The following SPPL2A variants were observed in gnomAD, a reference collection of about 807,000 sequenced individuals.
SPPL2A encodes the protein signal peptide peptidase-like 2A.
In SPPL2A, 51 loss-of-function variants were observed where a neutral mutation model predicts 63.8. The ratio of observed to expected loss-of-function variants is 0.80; its 90% confidence interval spans 0.64 to 1.01. The LOEUF is 1.01. SPPL2A is among the 50% of genes least tolerant of loss of function. SPPL2A has a pLI of 0.00. For missense variants in SPPL2A, 553 were observed against 622.7 expected (o/e 0.89, Z 1.19); for synonymous variants, 188 against 205.8 (o/e 0.91, Z 0.74).
chr15:50,750,981 A>G (rs954240812), intron 1 of SPPL2A, among the ~76,000 whole-genome samples: 2 of 152,208 alleles, frequency 1.3e-5, no homozygotes, highest in Non-Finnish European at 2.9e-5. Context: ...GTTTCATACA[A>G]GTCAACGTAA....
Position 50,765,679 on chromosome 15 carries a change from C to T in SPPL2A, c.-146G>A, listed in dbSNP as rs908121975. On this transcript the variant is annotated 5_prime_UTR_variant, in exon 1 of 15. Transcript: ENST00000261854. ...CCGGGCTACGACTGGACCGCCGCTGCTACAGCGGCCGCCACAGCAGCGCGA... is the reference window on the plus strand; with the variant it reads ...CCGGGCTACGACTGGACCGCCGCTGTTACAGCGGCCGCCACAGCAGCGCGA... The T allele has an allele frequency of 4.6e-6, 2 of 431,090 alleles. No homozygotes were observed. Among genetic ancestry groups the T allele is most frequent in the African/African-American group, 4.1e-5 (2 of 48,700 alleles). 26.7% of individuals were successfully genotyped at this position (431,090 alleles called of 1,614,324 possible).
At chr15:50,723,971 T>C (rs956149016) in intron 12 of SPPL2A, among the ~76,000 whole-genome samples, 1 of 152,246 alleles carries the variant, frequency 6.6e-6, no homozygotes, top group African/African-American at 2.4e-5. Context: ...GTAGTATTTA[T>C]ATGCTATTTT....
At chr15:50,732,755 C>A (rs2062740588) in intron 8 of SPPL2A, 71 bp from the exon 9 acceptor site, 1 of 874,566 alleles carries the variant, frequency 1.1e-6, no homozygotes, top group Non-Finnish European at 1.9e-6. Context: ...ACATAGATCA[C>A]TGAGGTAATA....
rs2062482967 is a variant in SPPL2A at position 50,702,357 on chromosome 15, G to A, written c.*5443C>T. ...GTCAGTATTGGCACATAATGATAAAGTACTGCTAAATTAACACTTCAAAAA... is the reference window on the plus strand; with the variant it reads ...GTCAGTATTGGCACATAATGATAAAATACTGCTAAATTAACACTTCAAAAA... On this transcript the variant is annotated 3_prime_UTR_variant, in exon 15 of 15. Transcript: ENST00000261854. 6.6e-6 allele frequency: 1 copy of A among 152,138 alleles called. No individual in the cohort carries two copies. The highest frequency in any genetic ancestry group is 1.5e-5 in the Non-Finnish European group (1 of 68,006). 9.4% of individuals were successfully genotyped at this position (152,138 alleles called of 1,614,324 possible).
At chr15:50,730,639 C>T (rs1216657342) in intron 10 of SPPL2A, among the ~76,000 whole-genome samples, 3 of 152,138 alleles carry the variant, frequency 2.0e-5, no homozygotes, top group Admixed American at 6.6e-5. Context: ...CTTTCTTAGT[C>T]TCAAACTAGG....
chr15:50,757,771 A>G lies in SPPL2A; in HGVS notation c.66+7697T>C, dbSNP rs147289441. ...CCCTATCATTTTCTTTTCAAATTAA[A>G]GAATTTTAATGTTTCCAGCCTGTAC... is the stretch of plus-strand genomic sequence containing the variant. On this transcript the variant is annotated intron_variant, in intron 1 of 14. Transcript: ENST00000261854. 2.7e-3 allele frequency among the ~76,000 whole-genome samples: 405 copies of G among 152,252 alleles called. 1 individual carries two copies. Among genetic ancestry groups the G allele is most frequent in the African/African-American group, 9.4e-3 (390 of 41,550 alleles).
chr15:50,752,230 C>A (rs751219576), intron 1 of SPPL2A, among the ~76,000 whole-genome samples: 2 of 152,046 alleles, frequency 1.3e-5, no homozygotes, highest in Non-Finnish European at 2.9e-5. Context: ...GGTATAATTA[C>A]GATGGTTTGT....
chr15:50,719,327 C>T (rs1372373627), intron 14 of SPPL2A, among the ~76,000 whole-genome samples: 1 of 152,138 alleles, frequency 6.6e-6, no homozygotes, highest in Non-Finnish European at 1.5e-5. Context: ...TCACTGCAAC[C>T]TCTGCCTCCT....
intron 1 of SPPL2A, among the ~76,000 whole-genome samples, chr15:50,754,712 A>C (rs548332479): frequency 3.3e-4 from 51 of 152,274 alleles, no homozygotes; most frequent in African/African-American, 1.2e-3. Flanking sequence ...TAAAAACGCA[A>C]ATTGGCCAGG....
intron 10 of SPPL2A, among the ~76,000 whole-genome samples, chr15:50,729,296 A>T (rs1043813523): frequency 6.6e-6 from 1 of 152,160 alleles, no homozygotes; most frequent in African/African-American, 2.4e-5. Context: ...AGTTCTATGA[A>T]TTTTTCTTTT....
intron 12 of SPPL2A, among the ~76,000 whole-genome samples, chr15:50,722,591 G>A (rs527566629): frequency 6.6e-6 from 1 of 152,124 alleles, no homozygotes; most frequent in South Asian, 2.1e-4. Context: ...TGAGTAGCTG[G>A]GACTACAGGC....
chr15:50,722,542 T>A (rs755864155), intron 12 of SPPL2A, among the ~76,000 whole-genome samples: 32 of 152,154 alleles, frequency 2.1e-4, no homozygotes, highest in Admixed American at 5.9e-4. Flanking sequence ...CTGCAACCTC[T>A]GCCTCCCGGG....
intron 14 of SPPL2A, among the ~76,000 whole-genome samples, chr15:50,714,631 CA>C (rs71127125): frequency 0.037 from 4,271 of 114,200 alleles, 63 homozygotes; most frequent in Middle Eastern, 0.13. Flanking sequence ...AACTCCATCT[CA>C]AAAAAAAAAA....
chr15:50,750,248 C>T (rs753374854), intron 1 of SPPL2A, among the ~76,000 whole-genome samples: 2 of 152,088 alleles, frequency 1.3e-5, no homozygotes, highest in East Asian at 1.9e-4. Context: ...GTACTACAGG[C>T]GCGTGTTACC....
chr15:50,719,847 T>A, intron 14 of SPPL2A, 93 bp downstream of exon 14: 1 of 873,466 alleles, frequency 1.1e-6, no homozygotes. Flanking sequence ...TTTTGGTACA[T>A]AAAAGCTTTG....
At chr15:50,762,930 A>T (rs2063025328) in intron 1 of SPPL2A, among the ~76,000 whole-genome samples, 1 of 147,538 alleles carries the variant, frequency 6.8e-6, no homozygotes, top group Admixed American at 6.8e-5. Flanking sequence ...TTTTTAGTAG[A>T]GACGGGGTTT....
Position 50,706,562 on chromosome 15 carries a change from A to G in SPPL2A, c.*1238T>C, listed in dbSNP as rs1336976460. 6.6e-6 allele frequency: 1 copy of G among 152,058 alleles called. No homozygotes were observed. Among genetic ancestry groups the G allele is most frequent in the Non-Finnish European group, 1.5e-5 (1 of 68,016 alleles). The allele number at this position is 152,058 out of a possible 1,614,324, so 9.4% of individuals were successfully genotyped here. A position where few individuals can be genotyped will look rare whatever the true frequency, so the allele number is the denominator to read the frequency against. ...TTGTACATCCTCCACCAAGATTAAGAATCATTACCTATGGGAAAAGGGGTG... is the reference window on the plus strand; with the variant it reads ...TTGTACATCCTCCACCAAGATTAAGGATCATTACCTATGGGAAAAGGGGTG... On this transcript the variant is annotated 3_prime_UTR_variant, in exon 15 of 15. Transcript: ENST00000261854.
At chr15:50,724,172 T>C (rs757879657) in intron 12 of SPPL2A, among the ~76,000 whole-genome samples, 1 of 152,228 alleles carries the variant, frequency 6.6e-6, no homozygotes, top group Non-Finnish European at 1.5e-5. Context: ...GCAACGCTGC[T>C]AGCTTTTCTC....
chr15:50,731,926 T>TAAAAAAAAAAAA (rs78390175), intron 9 of SPPL2A, among the ~76,000 whole-genome samples: 1 of 28,250 alleles, frequency 3.5e-5, no homozygotes, highest in African/African-American at 1.2e-4. Context: ...AGACTCCATC[T>TAAAAAAAAAAAA]CAAAAAAAAA....
Sources: gnomAD v4.1 joint callset for allele counts (sites outside exome capture counted in the v4.1 genomes callset) on GRCh38, gnomAD v4.1.1 for gene constraint, MANE v1.5 for transcripts, NCBI Gene and HGNC (gene_info 2026-07-23, HGNC 2026-07-21) for gene names.